IGFL4: variants seen among roughly 807,000 people sequenced by gnomAD.
The protein encoded by IGFL4 is insulin growth factor-like family member 4.
IGFL4 carries 12 observed loss-of-function variants against 15.4 expected under a neutral mutation model. The observed-to-expected ratio is 0.78, with a 90% CI of 0.50 to 1.26. IGFL4 has a LOEUF of 1.26. IGFL4 is among the 50% of genes most tolerant of loss of function. The probability of loss-of-function intolerance (pLI) is 0.00; values close to 1 mark genes in which losing one functional copy is unlikely to be tolerated. For missense variants in IGFL4, 126 were observed against 147.8 expected (o/e 0.85, Z 0.76); for synonymous variants, 54 against 55.9 (o/e 0.97, Z 0.16).
chr19:46,052,804 ACTTAAAATGTAC>A (rs1272916749), intron 2 of IGFL4, among the ~76,000 whole-genome samples: 1 of 151,406 alleles, frequency 6.6e-6, no homozygotes, highest in Non-Finnish European at 1.5e-5. Flanking sequence ...ATTAACACAT[ACTTAAAATGTAC>A]ATTACATGTT....
upstream of IGFL4, among the ~76,000 whole-genome samples, chr19:46,042,236 A>G (rs888149477): frequency 6.6e-6 from 1 of 152,198 alleles, no homozygotes; most frequent in Non-Finnish European, 1.5e-5. Context: ...GCGTATTTGC[A>G]TAGATATGTC....
At chr19:46,074,298 T>TAC (rs923606213) in intron 1 of IGFL4, among the ~76,000 whole-genome samples, 4 of 151,512 alleles carry the variant, frequency 2.6e-5, no homozygotes, top group African/African-American at 4.9e-5. Flanking sequence ...TATATATATA[T>TAC]ACACACACAC....
At chr19:46,042,228 G>C (rs558760395), upstream of IGFL4, among the ~76,000 whole-genome samples, 2 of 152,090 alleles carry the variant, frequency 1.3e-5, no homozygotes, top group Non-Finnish European at 2.9e-5. Flanking sequence ...CTGCAGTTGC[G>C]TATTTGCATA....
intron 1 of IGFL4, among the ~76,000 whole-genome samples, chr19:46,072,390 C>T (rs756750795): frequency 3.9e-5 from 6 of 152,164 alleles, no homozygotes; most frequent in Non-Finnish European, 8.8e-5. Flanking sequence ...GTGGGGTCCA[C>T]CAAAGTTCCT....
At chr19:46,047,036 A>C (rs1969303288) in intron 2 of IGFL4, among the ~76,000 whole-genome samples, 1 of 152,250 alleles carries the variant, frequency 6.6e-6, no homozygotes, top group Non-Finnish European at 1.5e-5. Context: ...AAAGAACTGA[A>C]GTCATAACAA....
upstream of IGFL4, among the ~76,000 whole-genome samples, chr19:46,043,916 G>A (rs774253012): frequency 1.3e-5 from 2 of 152,170 alleles, no homozygotes; most frequent in Non-Finnish European, 2.9e-5. Context: ...ATCAGGAAGC[G>A]GGCAAGATGG....
intron 1 of IGFL4, among the ~76,000 whole-genome samples, chr19:46,066,662 A>G (rs1193551666): frequency 6.6e-6 from 1 of 152,204 alleles, no homozygotes; most frequent in African/African-American, 2.4e-5. Flanking sequence ...AGCATGTCAC[A>G]TGGCTAGAGT....
intron 1 of IGFL4, chr19:46,062,839 GT>G (rs1262365684): frequency 6.6e-6 from 1 of 152,340 alleles, no homozygotes; most frequent in East Asian, 1.9e-4. Flanking sequence ...CAGCTCTCAA[GT>G]TTCCCCCTTT....
Position 46,039,956 on chromosome 19 carries a change from G to A in IGFL4, c.331-20C>T. 1 of 1,608,516 alleles carries A rather than the reference G, an allele frequency of 6.2e-7. No individual in the cohort carries two copies. Among genetic ancestry groups the A allele is most frequent in the Non-Finnish European group, 8.5e-7 (1 of 1,175,032 alleles). Reference sequence around the variant, plus strand: ...GTATTCCTGCAGAAGGAGAGAAGTGGGAGAGGGGAATAAGAGGGAGGGTGG... The same window carrying A: ...GTATTCCTGCAGAAGGAGAGAAGTGAGAGAGGGGAATAAGAGGGAGGGTGG... On this transcript the variant is annotated intron_variant, in intron 3 of 3. Transcript: ENST00000377697.
chr19:46,054,261 T>A (rs1036302243), intron 2 of IGFL4, among the ~76,000 whole-genome samples: 2 of 152,216 alleles, frequency 1.3e-5, no homozygotes, highest in African/African-American at 4.8e-5. Flanking sequence ...AATCTTTGAA[T>A]CATTTTGAGT....
In IGFL4 at chr19:46,040,606, C is replaced by A; in HGVS notation, c.20-38G>T. 3 of 1,610,396 alleles carry A rather than the reference C, an allele frequency of 1.9e-6. No homozygotes were observed. The highest frequency in any genetic ancestry group is 2.2e-5 in the East Asian group (1 of 44,850). On this transcript the variant is annotated intron_variant, in intron 1 of 3. Coordinates refer to ENST00000377697, the MANE Select transcript of IGFL4 (RefSeq NM_001002923.3). The surrounding 1 kb of genome is among the most constrained non-coding windows in gnomAD (Gnocchi z 4.1). ...AGGAGAGCGAGAATGATTCTGAGGT[C>A]ACTAGGTCTTGACCACGGGGCACAG...
At chr19:46,046,354 T>C (rs1969297460) in intron 2 of IGFL4, among the ~76,000 whole-genome samples, 1 of 152,002 alleles carries the variant, frequency 6.6e-6, no homozygotes, top group Non-Finnish European at 1.5e-5. Context: ...ACAAAACAAG[T>C]CTGTAAAATA....
intron 1 of IGFL4, among the ~76,000 whole-genome samples, chr19:46,068,831 G>A (rs972221994): frequency 2.0e-5 from 3 of 152,214 alleles, no homozygotes; most frequent in African/African-American, 7.2e-5. Flanking sequence ...CAGCCTCAGG[G>A]CAATCACATT....
At chr19:46,044,224 G>A (rs191410561), upstream of IGFL4, among the ~76,000 whole-genome samples, 1 of 152,264 alleles carries the variant, frequency 6.6e-6, no homozygotes, top group Non-Finnish European at 1.5e-5. Flanking sequence ...CAGAGATTTG[G>A]GTCCAATACA....
At chr19:46,075,554 T>C (rs564074184) in intron 1 of IGFL4, among the ~76,000 whole-genome samples, 67 of 152,294 alleles carry the variant, frequency 4.4e-4, no homozygotes, top group African/African-American at 1.6e-3. Flanking sequence ...ACTGACATTA[T>C]TGGTTTTGGG....
At chr19:46,048,716 T>C (rs1244824067) in intron 2 of IGFL4, among the ~76,000 whole-genome samples, 1 of 151,956 alleles carries the variant, frequency 6.6e-6, no homozygotes. Flanking sequence ...ACAAGGAAAG[T>C]GAAGGACCTC....
intron 2 of IGFL4, among the ~76,000 whole-genome samples, chr19:46,050,720 A>G (rs1355563172): frequency 6.6e-6 from 1 of 152,218 alleles, no homozygotes; most frequent in Non-Finnish European, 1.5e-5. Flanking sequence ...GGAAGAAGAG[A>G]AATCTAAAAG....
At chr19:46,062,748 C>T (rs1406393815) in intron 1 of IGFL4, 2 of 152,260 alleles carry the variant, frequency 1.3e-5, no homozygotes, top group Non-Finnish European at 2.9e-5. Flanking sequence ...CAGAGAAAGA[C>T]TCACCCATTG....
chr19:46,059,514 C>T (rs570732882), intron 2 of IGFL4: 10 of 152,212 alleles, frequency 6.6e-5, no homozygotes, highest in Middle Eastern at 3.4e-3. Context: ...TTATTCTGAA[C>T]TGCAACCAGA....
Sources: allele counts gnomAD v4.1 joint callset (sites outside exome capture counted in the v4.1 genomes callset), GRCh38; gene constraint gnomAD v4.1.1; non-coding constraint Gnocchi (gnomAD v3.1); transcripts MANE v1.5; gene names NCBI Gene and HGNC (gene_info 2026-07-23, HGNC 2026-07-21).